CEP192: variants seen among roughly 807,000 people sequenced by gnomAD.
The protein encoded by CEP192 is centrosomal protein 192.
Under a neutral mutation model 271.8 loss-of-function variants are expected in CEP192, and 151 were observed. The observed-to-expected ratio is 0.56, with a 90% CI of 0.49 to 0.64. The LOEUF (loss-of-function observed/expected upper bound fraction) is 0.64. Ranked by LOEUF, CEP192 falls within the 30% of genes least tolerant of loss-of-function variation. CEP192 has a pLI of 0.00. For synonymous variants in CEP192, 995 were observed against 1,076.5 expected (o/e 0.92, Z 1.48); for missense variants, 2,910 against 3,020.5 (o/e 0.96, Z 0.86).
intron 1 of CEP192, 136 bp from the exon 2 acceptor site, chr18:12,999,285 G>A: frequency 1.7e-6 from 1 of 592,686 alleles, no homozygotes; most frequent in South Asian, 2.5e-5. Context: ...CAGACTATTT[G>A]CCTATTTCCC....
chr18:13,051,832 C>T (rs994573855), intron 17 of CEP192, among the ~76,000 whole-genome samples: 5 of 152,230 alleles, frequency 3.3e-5, no homozygotes, highest in Admixed American at 1.3e-4. Flanking sequence ...CGTGAGCCAA[C>T]GCACCCAGCC....
chr18:13,105,343 C>CGA (rs991512295), intron 40 of CEP192, among the ~76,000 whole-genome samples: 2 of 152,166 alleles, frequency 1.3e-5, no homozygotes, highest in African/African-American at 2.4e-5. Flanking sequence ...CTGATGGAGA[C>CGA]GAGAGTTTTG....
chr18:13,007,154 T>C (rs543555446), intron 3 of CEP192, among the ~76,000 whole-genome samples: 3 of 152,354 alleles, frequency 2.0e-5, no homozygotes, highest in African/African-American at 7.2e-5. Flanking sequence ...ACACCCCATC[T>C]GCTTTTCAGA....
chr18:13,033,671 A>T (rs772700422), intron 11 of CEP192, among the ~76,000 whole-genome samples: 24 of 152,230 alleles, frequency 1.6e-4, no homozygotes, highest in Non-Finnish European at 2.8e-4. Context: ...AGATGGACAA[A>T]ATAGGGTATA....
At chr18:13,019,660 T>C (rs1230018593) in intron 9 of CEP192, among the ~76,000 whole-genome samples, 1 of 152,168 alleles carries the variant, frequency 6.6e-6, no homozygotes, top group Non-Finnish European at 1.5e-5. Context: ...GAATTTTGCA[T>C]GTAGGTTAAT....
At chr18:13,088,757 C>T (rs1175438833) in intron 32 of CEP192, 1 of 236,640 alleles carries the variant, frequency 4.2e-6, no homozygotes, top group East Asian at 1.0e-4. Flanking sequence ...TGTTGAGGGT[C>T]ATTGGAATGT....
At chr18:13,016,334 A>G (rs1027876874) in intron 6 of CEP192, among the ~76,000 whole-genome samples, 1 of 152,146 alleles carries the variant, frequency 6.6e-6, no homozygotes, top group African/African-American at 2.4e-5. Context: ...GTGTTTTGGG[A>G]AACAGCCAGG....
intron 9 of CEP192, chr18:13,024,310 C>G (rs1338213161): frequency 2.2e-6 from 1 of 456,240 alleles, no homozygotes; most frequent in Non-Finnish European, 4.4e-6. Context: ...TATAGCTATT[C>G]CTGCTTTCTT....
At chr18:13,028,604 C>T (rs920539722) in intron 9 of CEP192, among the ~76,000 whole-genome samples, 1 of 152,152 alleles carries the variant, frequency 6.6e-6, no homozygotes, top group African/African-American at 2.4e-5. Flanking sequence ...ACTGCAACCT[C>T]CGCCTCCCAG....
intron 42 of CEP192, among the ~76,000 whole-genome samples, chr18:13,115,071 A>G (rs746722906): frequency 5.3e-5 from 8 of 152,190 alleles, no homozygotes; most frequent in Non-Finnish European, 7.3e-5. Flanking sequence ...ATTTAATATA[A>G]ATTTAGTCAT....
chr18:13,118,970 C>A (rs2040550982), intron 44 of CEP192, among the ~76,000 whole-genome samples: 1 of 152,152 alleles, frequency 6.6e-6, no homozygotes, highest in South Asian at 2.1e-4. Context: ...AAAAATCAGC[C>A]AAATCCAAGT....
chr18:13,004,062 A>C (rs147137879), intron 3 of CEP192, among the ~76,000 whole-genome samples: 396 of 152,358 alleles, frequency 2.6e-3, no homozygotes, highest in African/African-American at 8.6e-3. Flanking sequence ...ACTATGTCAA[A>C]TAAAATGAGG....
intron 4 of CEP192, among the ~76,000 whole-genome samples, chr18:13,011,652 G>A (rs1280503160): frequency 6.6e-6 from 1 of 152,080 alleles, no homozygotes; most frequent in Non-Finnish European, 1.5e-5. Context: ...AAGTAGCTGG[G>A]ATTACAGGCA....
Position 13,049,875 on chromosome 18 carries a change from G to A in CEP192, c.3001G>A (p.Gly1001Arg). Residue 1001 changes from glycine to arginine, a missense_variant, in exon 17 of 45, where the codon GGA (glycine) becomes AGA (arginine). Physicochemically the swap from Gly to Arg is moderately radical, Grantham distance 125. Transcript: ENST00000506447. ...LSHSSPSEIS[G>R]TSSSGCALES... ...TCATTCTTCTCCTAGTGAAATTTCT[G>A]GAACGAGTTCATCAGGGTAAGTGTG... The A allele has an allele frequency of 6.2e-7, 1 of 1,613,856 alleles. No individual in the cohort carries two copies. The highest frequency in any genetic ancestry group is 1.7e-5 in the Admixed American group (1 of 59,992).
At chr18:13,104,679 G>T (rs1413612989) in intron 39 of CEP192, among the ~76,000 whole-genome samples, 1 of 152,162 alleles carries the variant, frequency 6.6e-6, no homozygotes, top group African/African-American at 2.4e-5. Flanking sequence ...ATTCAACAGG[G>T]TCTTCAGAGT....
At chr18:13,098,664 C>T (rs994900345) in intron 36 of CEP192, among the ~76,000 whole-genome samples, 1 of 150,874 alleles carries the variant, frequency 6.6e-6, no homozygotes, top group African/African-American at 2.4e-5. Context: ...GATGGAATGG[C>T]GGCCAGGCAG....
chr18:13,036,920 G>A (rs1197894511), intron 11 of CEP192, among the ~76,000 whole-genome samples: 1 of 152,240 alleles, frequency 6.6e-6, no homozygotes, highest in Non-Finnish European at 1.5e-5. Flanking sequence ...AGCATTCATG[G>A]ATGAGTGCCT....
chr18:13,067,773 C>A, intron 21 of CEP192, 58 bp from the exon 22 acceptor site: 1 of 1,439,530 alleles, frequency 6.9e-7, no homozygotes, highest in East Asian at 2.3e-5. Context: ...TATGAACATA[C>A]ATGTTGTGCT....
At chr18:13,105,769 T>C (rs2144959474) in intron 40 of CEP192, among the ~76,000 whole-genome samples, 1 of 152,346 alleles carries the variant, frequency 6.6e-6, no homozygotes, top group African/African-American at 2.4e-5. Context: ...GTTCTACAAG[T>C]GTAGTTTAGT....
Sources: allele counts gnomAD v4.1 joint callset (sites outside exome capture counted in the v4.1 genomes callset), GRCh38; gene constraint gnomAD v4.1.1; transcripts MANE v1.5; gene names NCBI Gene and HGNC (gene_info 2026-07-23, HGNC 2026-07-21).